Variants in ALKBH6 observed in about 807,000 individuals in gnomAD.
ALKBH6 encodes probable RNA/DNA demethylase ALKBH6.
ALKBH6 carries 20 observed loss-of-function variants against 25.1 expected under a neutral mutation model. The observed-to-expected ratio is 0.80, with a 90% CI of 0.56 to 1.16. The LOEUF is 1.16. Among genes scored for constraint, ALKBH6 ranks in the 50% most tolerant of loss-of-function variants. The pLI, the probability that ALKBH6 is intolerant of heterozygous loss-of-function variation, is 0.00. For missense variants in ALKBH6, 263 were observed against 326.5 expected, an observed-to-expected ratio of 0.81 and a Z score of 1.50; for synonymous variants, 156 against 147.5, an observed-to-expected ratio of 1.06 and a Z score of -0.42.
At chr19:36,011,589 C>T in intron 3 of ALKBH6, 125 bp from the exon 4 acceptor site, 2 of 1,058,236 alleles carry the variant, frequency 1.9e-6, no homozygotes, top group East Asian at 2.5e-5. Context: ...TGGGACCATT[C>T]CCTGGGGCGG....
rs1489076777 is a variant in ALKBH6, at chr19:36,009,476, G to A, written c.531C>T (p.Tyr177=). Residue 177 remains tyrosine (Y), a synonymous_variant, in exon 7 of 7, where the codon TAC becomes TAT. Coordinates refer to ENST00000378875, the MANE Select transcript of ALKBH6 (RefSeq NM_032878.5). The stretch of plus-strand genomic sequence containing the variant: ...CGGCGATGCCGTGGAGAAGACGCGT[G>A]TAGGCGGGGCCGCGGAGCACCAGCA... ...RSLLVLRGPA[Y]TRLLHGIAAA... is the part of the protein sequence containing the mutation. 3.2e-6 allele frequency: 4 copies of A among 1,249,076 alleles called. No homozygotes were observed. The highest frequency in any genetic ancestry group is 4.0e-6 in the Non-Finnish European group (4 of 998,786). 77.4% of individuals were successfully genotyped at this position (1,249,076 alleles called of 1,614,324 possible). A position where few individuals can be genotyped will look rare whatever the true frequency, so the allele number is the denominator to read the frequency against.
At position 36,013,914 on chromosome 19, in the gene ALKBH6, C is replaced by T; in HGVS notation, c.-26+261G>A. 6.6e-6 allele frequency: 9 copies of T among 1,368,250 alleles called. No individual in the cohort carries two copies. The highest frequency in any genetic ancestry group is 8.4e-6 in the Non-Finnish European group (9 of 1,066,996). The allele number at this position is 1,368,250 out of a possible 1,614,324, so 84.8% of individuals were successfully genotyped here. On this transcript the variant is annotated intron_variant, in intron 1 of 6. Transcript: ENST00000378875. The surrounding 1 kb of genome is among the most constrained non-coding windows in gnomAD (Gnocchi z 4.6). The stretch of plus-strand genomic sequence containing the variant: ...GAGCCTCCTCAGACATGTCCACCCT[C>T]AGCCTCCTCGGATCCCCCCATTTGG...
At chr19:36,011,161 T>C in intron 4 of ALKBH6, 116 bp from the exon 5 acceptor site, 1 of 1,400,992 alleles carries the variant, frequency 7.1e-7, no homozygotes. Context: ...CGTTTGGAGA[T>C]AGCCACTGGG....
intron 1 of ALKBH6, 51 bp downstream of exon 1, chr19:36,014,124 T>G: frequency 6.2e-7 from 1 of 1,607,534 alleles, no homozygotes; most frequent in South Asian, 1.1e-5. Context: ...GGATCCCCAC[T>G]TTCAGCCCTA....
rs749612733 is a variant in ALKBH6 at position 36,010,283 on chromosome 19, G to A, written c.453+284C>T. The A allele has an allele frequency of 2.3e-5, 9 of 396,176 alleles. No individual in the cohort carries two copies. The highest frequency in any genetic ancestry group is 1.2e-4 in the Admixed American group (3 of 24,170). 24.5% of individuals were successfully genotyped at this position (396,176 alleles called of 1,614,324 possible). ...AGGTGAGGCCCCCCGAGTTAATGGC[G>A]GTGGGGTATCTAAGGATATCAGTGT... On this transcript the variant is annotated intron_variant, in intron 6 of 6. Coordinates refer to ENST00000378875, the MANE Select transcript of ALKBH6 (RefSeq NM_032878.5). The surrounding 1 kb of genome is among the most constrained non-coding windows in gnomAD (Gnocchi z 5.5).
In ALKBH6 at chr19:36,011,429, G is replaced by A; in HGVS notation, c.159C>T (p.Leu53=). ...CCCAGTTCTGTAACTTTCTCCCAGA[G>A]AGCTGGGTCCACTTTGGCTTTGGGG... ...FNAPKPKWTQ[L]SGRKLQNWGG... The change falls in exon 4 of 7, where the codon CTC becomes CTT. Residue 53 remains leucine (L), a synonymous_variant. Coordinates refer to ENST00000378875, the MANE Select transcript of ALKBH6 (RefSeq NM_032878.5). The A allele has an allele frequency of 2.5e-6, 4 of 1,613,536 alleles. No individual in the cohort carries two copies. Among genetic ancestry groups the A allele is most frequent in the Non-Finnish European group, 3.4e-6 (4 of 1,179,982 alleles).
chr19:36,013,259 A>C lies in ALKBH6; in HGVS notation c.54+85T>G. 6.4e-7 allele frequency: 1 copy of C among 1,553,454 alleles called. No individual in the cohort carries two copies. The highest frequency in any genetic ancestry group is 8.9e-7 in the Non-Finnish European group (1 of 1,127,156). On this transcript the variant is annotated intron_variant, in intron 2 of 6. Transcript: ENST00000378875. The surrounding 1 kb of genome is among the most constrained non-coding windows in gnomAD (Gnocchi z 4.6). ...AGAATGGACTCTGACAGTAAGAATG[A>C]ATTTGGTGGAAGGGGGCAGTCCCAA... is the stretch of plus-strand genomic sequence containing the variant.
intron 3 of ALKBH6, 91 bp downstream of exon 3, chr19:36,012,930 C>T: frequency 3.0e-6 from 4 of 1,319,460 alleles, no homozygotes; most frequent in South Asian, 1.2e-5. Flanking sequence ...GGGGTCTTCA[C>T]TGCAGCCTTG....
Position 36,011,051 on chromosome 19 carries a change from G to A in ALKBH6, c.185-6C>T. On this transcript the variant is annotated splice_polypyrimidine_tract_variant and splice_region_variant and intron_variant, in intron 4 of 6. Transcript: ENST00000378875. ...TCGGGGATGAGGAAGCCCACCTGGG[G>A]AAGGCAATGGGGTCCTGAGGGCCCC... 1 of 1,597,380 alleles carries A rather than the reference G, an allele frequency of 6.3e-7. No individual in the cohort carries two copies. The highest frequency in any genetic ancestry group is 8.5e-7 in the Non-Finnish European group (1 of 1,171,500).
chr19:36,010,884 G>A lies in ALKBH6; in HGVS notation c.336+10C>T, dbSNP rs768842109. 1.2e-6 allele frequency: 2 copies of A among 1,613,722 alleles called. No homozygotes were observed. The highest frequency in any genetic ancestry group is 2.2e-5 in the South Asian group (2 of 91,070). On this transcript the variant is annotated intron_variant, in intron 5 of 6. Transcript: ENST00000378875. This position sits in a 1 kb window ranked among gnomAD's most constrained non-coding sequence, Gnocchi z 5.5. ...GAGTGGGGGGACACGGGCCGAGGGT[G>A]TGTGGTTACCATGATGCCCTCCCCA... is the stretch of plus-strand genomic sequence containing the variant.
rs1212610756 is a variant in ALKBH6 at position 36,013,521 on chromosome 19, C to T, written c.-25-99G>A. 9 of 1,543,912 alleles carry T rather than the reference C, an allele frequency of 5.8e-6. No individual in the cohort carries two copies. Among genetic ancestry groups the T allele is most frequent in the African/African-American group, 2.7e-5 (2 of 73,184 alleles). On this transcript the variant is annotated intron_variant, in intron 1 of 6. Transcript: ENST00000378875. This position sits in a 1 kb window ranked among gnomAD's most constrained non-coding sequence, Gnocchi z 4.6. ...TCACAGGCCAGGCCTCACCTCAGCC[C>T]TCTTCTGAAACGCACTTGGTCTCTA...
intron 6 of ALKBH6, 34 bp from the exon 7 acceptor site, chr19:36,009,587 GAAGTC>G: frequency 1.3e-6 from 1 of 744,128 alleles, no homozygotes; most frequent in Non-Finnish European, 1.7e-6. Flanking sequence ...CAGGGCTCAA[GAAGTC>G]GGGGGGTGGG....
chr19:36,013,443 A>G lies in ALKBH6; in HGVS notation c.-25-21T>C. 6.2e-7 allele frequency: 1 copy of G among 1,613,364 alleles called. No individual in the cohort carries two copies. Among genetic ancestry groups the G allele is most frequent in the Non-Finnish European group, 8.5e-7 (1 of 1,179,584 alleles). On this transcript the variant is annotated intron_variant, in intron 1 of 6. Coordinates refer to ENST00000378875, the MANE Select transcript of ALKBH6 (RefSeq NM_032878.5). This position sits in a 1 kb window ranked among gnomAD's most constrained non-coding sequence, Gnocchi z 4.6. ...CAATCCTGTAGGGAGGGGAGGACAT[A>G]CTGAAGTCACTAGGCCTCCCGCCCT...
Position 36,011,518 on chromosome 19 carries a change from T to C in ALKBH6, c.124-54A>G, listed in dbSNP as rs1968612029. ...TCTCAGGATCACCCCTCTATGATCC[T>C]CCCACCTAGACCAACATAGGGGCCT... On this transcript the variant is annotated intron_variant, in intron 3 of 6. Coordinates refer to ENST00000378875, the MANE Select transcript of ALKBH6 (RefSeq NM_032878.5). 1.3e-5 allele frequency: 21 copies of C among 1,593,526 alleles called. No individual in the cohort carries two copies. In the Admixed American group the frequency reaches 1.9e-4, roughly 14 times the overall value.
At chr19:36,011,368 C>T (rs776863753) in intron 4 of ALKBH6, 36 bp downstream of exon 4, 2 of 1,608,062 alleles carry the variant, frequency 1.2e-6, no homozygotes, top group Admixed American at 1.7e-5. Flanking sequence ...AGCCTACATC[C>T]CAGAATCACT....
At position 36,009,473 on chromosome 19, in the gene ALKBH6, C is replaced by T; in HGVS notation, c.534G>A (p.Thr178=). 8.0e-7 allele frequency: 1 copy of T among 1,248,252 alleles called. No individual in the cohort carries two copies. Among genetic ancestry groups the T allele is most frequent in the South Asian group, 3.8e-5 (1 of 26,552 alleles). 77.3% of individuals were successfully genotyped at this position (1,248,252 alleles called of 1,614,324 possible). A position where few individuals can be genotyped will look rare whatever the true frequency, so the allele number is the denominator to read the frequency against. Reference sequence around the variant, plus strand: ...CGGCGGCGATGCCGTGGAGAAGACGCGTGTAGGCGGGGCCGCGGAGCACCA... The same window carrying T: ...CGGCGGCGATGCCGTGGAGAAGACGTGTGTAGGCGGGGCCGCGGAGCACCA... The part of the protein sequence containing the change: ...SLLVLRGPAY[T]RLLHGIAAAR... Residue 178 remains threonine (T), a synonymous_variant, in exon 7 of 7, where the codon ACG becomes ACA. Coordinates refer to ENST00000378875, the MANE Select transcript of ALKBH6 (RefSeq NM_032878.5).
At chr19:36,012,080 A>C (rs2145372759) in intron 3 of ALKBH6, 1 of 152,556 alleles carries the variant, frequency 6.6e-6, no homozygotes, top group South Asian at 2.1e-4. Flanking sequence ...GAATCAGTTG[A>C]ACCCAGGAGG....
Position 36,009,380 on chromosome 19 carries a change from C to G in ALKBH6, c.627G>C (p.Pro209=). The G allele has an allele frequency of 7.9e-7, 1 of 1,260,256 alleles. No homozygotes were observed. The highest frequency in any genetic ancestry group is 1.6e-5 in the African/African-American group (1 of 64,514). 78.1% of individuals were successfully genotyped at this position (1,260,256 alleles called of 1,614,324 possible). The part of the protein sequence containing the change: ...PNAAACPSAR[P]GACLVRGTRV... ...GGGTGCCGCGCACCAGGCAGGCTCCCGGCCGCGCCGACGGGCAGGCTGCCG... is the reference window on the plus strand; with the variant it reads ...GGGTGCCGCGCACCAGGCAGGCTCCGGGCCGCGCCGACGGGCAGGCTGCCG... The change falls in exon 7 of 7, where the codon CCG becomes CCC. Residue 209 remains proline (P), a synonymous_variant. Coordinates refer to ENST00000378875, the MANE Select transcript of ALKBH6 (RefSeq NM_032878.5).
rs569794992 is a variant in ALKBH6, at chr19:36,010,748, G to A, written c.337-65C>T. ...ACAACCCCCACCCTCTGGGTCAAAG[G>A]GGGGCTTCCCAAGCCAGGGACAGGG... On this transcript the variant is annotated intron_variant, in intron 5 of 6. Transcript: ENST00000378875. This position sits in a 1 kb window ranked among gnomAD's most constrained non-coding sequence, Gnocchi z 5.5. 21 of 1,577,608 alleles carry A rather than the reference G, an allele frequency of 1.3e-5. No homozygotes were observed. The African/African-American group carries it at 1.8e-4, about 13-fold the overall frequency.
Sources: allele counts gnomAD v4.1 joint callset, GRCh38; gene constraint gnomAD v4.1.1; non-coding constraint Gnocchi (gnomAD v3.1); transcripts MANE v1.5; gene names NCBI Gene and HGNC (gene_info 2026-07-23, HGNC 2026-07-21).